The following CDYL2 variants were observed in gnomAD, a reference collection of about 807,000 sequenced individuals.
CDYL2 encodes chromodomain Y-like protein 2.
Under a neutral mutation model 49.4 loss-of-function variants are expected in CDYL2, and 23 were observed. The observed-to-expected ratio is 0.47, with a 90% CI of 0.34 to 0.66. CDYL2 has a LOEUF of 0.66. Among genes scored for constraint, CDYL2 ranks in the 30% least tolerant of loss-of-function variants. The pLI is 0.01. For missense variants in CDYL2, 678 were observed against 656.4 expected (o/e 1.03, Z -0.36); for synonymous variants, 360 against 268.8 (o/e 1.34, Z -3.32).
At chr16:80,660,931 C>A (rs1909015485) in intron 2 of CDYL2, among the ~76,000 whole-genome samples, 1 of 152,160 alleles carries the variant, frequency 6.6e-6, no homozygotes, top group African/African-American at 2.4e-5. Flanking sequence ...ATTAAAGATA[C>A]AGGGGCAGCT....
intron 1 of CDYL2, among the ~76,000 whole-genome samples, chr16:80,738,060 C>T (rs1465445957): frequency 6.6e-6 from 1 of 151,502 alleles, no homozygotes; most frequent in East Asian, 1.9e-4. Flanking sequence ...ATGTTCCCCT[C>T]CCTGTGTCCA....
intron 1 of CDYL2, among the ~76,000 whole-genome samples, chr16:80,792,159 A>C (rs1046264417): frequency 6.6e-6 from 1 of 152,228 alleles, no homozygotes; most frequent in African/African-American, 2.4e-5. Context: ...TTGAGTTTAA[A>C]GAGCCCAAGT....
chr16:80,800,463 T>A (rs927148761), intron 1 of CDYL2, among the ~76,000 whole-genome samples: 3 of 152,136 alleles, frequency 2.0e-5, no homozygotes, highest in African/African-American at 7.2e-5. Flanking sequence ...ATAAACTCTG[T>A]TATTCTTAGT....
chr16:80,638,781 G>GA (rs1427016086), intron 2 of CDYL2, among the ~76,000 whole-genome samples: 1 of 151,404 alleles, frequency 6.6e-6, no homozygotes, highest in Admixed American at 6.6e-5. Context: ...TTGAAAAAGG[G>GA]AAAAAAAAGA....
intron 1 of CDYL2, among the ~76,000 whole-genome samples, chr16:80,737,037 A>G (rs1282872184): frequency 6.6e-6 from 1 of 152,178 alleles, no homozygotes; most frequent in Non-Finnish European, 1.5e-5. Context: ...GCTCCTGTGG[A>G]AAGAGAAGAC....
intron 1 of CDYL2, among the ~76,000 whole-genome samples, chr16:80,722,952 G>A (rs1180046883): frequency 6.6e-6 from 1 of 152,238 alleles, no homozygotes; most frequent in Non-Finnish European, 1.5e-5. Context: ...GGCCCTTAGA[G>A]GGCAAGGAGG....
intron 1 of CDYL2, among the ~76,000 whole-genome samples, chr16:80,797,611 TA>T (rs1355697475): frequency 6.6e-6 from 1 of 152,182 alleles, no homozygotes; most frequent in Non-Finnish European, 1.5e-5. Context: ...GAACATATCA[TA>T]TCAATCAACC....
At chr16:80,642,162 G>T (rs921373692) in intron 2 of CDYL2, among the ~76,000 whole-genome samples, 3 of 152,166 alleles carry the variant, frequency 2.0e-5, no homozygotes, top group Non-Finnish European at 4.4e-5. Context: ...TTTATTAGTC[G>T]CCGGGTGTGG....
intron 1 of CDYL2, among the ~76,000 whole-genome samples, chr16:80,782,288 C>T (rs1355091189): frequency 3.3e-5 from 5 of 151,614 alleles, no homozygotes; most frequent in African/African-American, 1.2e-4. Flanking sequence ...AAAACAGACT[C>T]AAAAATGAAT....
At chr16:80,692,264 T>G (rs114032414) in intron 1 of CDYL2, among the ~76,000 whole-genome samples, 1 of 152,326 alleles carries the variant, frequency 6.6e-6, no homozygotes, top group African/African-American at 2.4e-5. Context: ...TTCAAAAAAC[T>G]GAATTATCTG....
At chr16:80,704,354 G>C (rs1904332831) in intron 1 of CDYL2, among the ~76,000 whole-genome samples, 1 of 152,220 alleles carries the variant, frequency 6.6e-6, no homozygotes, top group Non-Finnish European at 1.5e-5. Context: ...GATGGAACTT[G>C]ATCATCATTC....
chr16:80,791,595 T>A (rs559450040), intron 1 of CDYL2, among the ~76,000 whole-genome samples: 3 of 152,136 alleles, frequency 2.0e-5, no homozygotes, highest in Non-Finnish European at 2.9e-5. Flanking sequence ...TAAGCTGAGA[T>A]CTGAAGTGAG....
intron 5 of CDYL2, among the ~76,000 whole-genome samples, chr16:80,610,762 C>T (rs771022742): frequency 7.2e-5 from 11 of 152,142 alleles, no homozygotes; most frequent in Non-Finnish European, 1.3e-4. Context: ...AGCCAGCACT[C>T]GGCTTTTTCT....
intron 2 of CDYL2, among the ~76,000 whole-genome samples, chr16:80,663,207 C>T (rs1417210687): frequency 1.3e-5 from 2 of 151,492 alleles, no homozygotes; most frequent in Admixed American, 1.3e-4. Context: ...GGAGCAGATA[C>T]AATTAACAGA....
intron 1 of CDYL2, among the ~76,000 whole-genome samples, chr16:80,766,836 A>G (rs1358986694): frequency 6.6e-6 from 1 of 152,234 alleles, no homozygotes; most frequent in Non-Finnish European, 1.5e-5. Context: ...TCGGCCACAC[A>G]ATCCTTGCAG....
intron 1 of CDYL2, among the ~76,000 whole-genome samples, chr16:80,724,574 ACTT>A (rs1224001164): frequency 6.6e-6 from 1 of 152,222 alleles, no homozygotes; most frequent in Non-Finnish European, 1.5e-5. Context: ...CACATGTGGC[ACTT>A]CATGACCTGG....
intron 1 of CDYL2, among the ~76,000 whole-genome samples, chr16:80,762,328 G>C (rs763490267): frequency 2.6e-5 from 4 of 152,298 alleles, no homozygotes; most frequent in African/African-American, 4.8e-5. Context: ...AGAGAAGAAA[G>C]AACGTAAGAA....
At position 80,601,831 on chromosome 16, in the gene CDYL2, T is replaced by C. The variant is rs6564767; in HGVS notation, c.*2557A>G. The C allele has an allele frequency of 6.6e-6, 1 of 152,150 alleles. No individual in the cohort carries two copies. Among genetic ancestry groups the C allele is most frequent in the Non-Finnish European group, 1.5e-5 (1 of 68,034 alleles). The allele number at this position is 152,150 out of a possible 1,614,324, so 9.4% of individuals were successfully genotyped here. ...CAGGACCTGTGACTTAACAGCAAGA[T>C]TTCCACCTTAGAAATGGTTTCACAT... is the stretch of plus-strand genomic sequence containing the variant. On this transcript the variant is annotated 3_prime_UTR_variant, in exon 7 of 7. Transcript: ENST00000570137.
chr16:80,664,161 G>A (rs1175628301), intron 2 of CDYL2, among the ~76,000 whole-genome samples: 4 of 151,926 alleles, frequency 2.6e-5, no homozygotes, highest in African/African-American at 4.8e-5. Context: ...TGCCTCCATC[G>A]TCTGGCCTCA....
Sources: gnomAD v4.1 joint callset for allele counts (sites outside exome capture counted in the v4.1 genomes callset) on GRCh38, gnomAD v4.1.1 for gene constraint, MANE v1.5 for transcripts, NCBI Gene and HGNC (gene_info 2026-07-23, HGNC 2026-07-21) for gene names.